Variants in PODN observed in about 807,000 individuals in gnomAD.
PODN encodes podocan.
A neutral mutation model predicts 52.7 loss-of-function variants in PODN; 40 were observed. That is an observed-to-expected ratio of 0.76 (90% CI 0.59 to 0.99). The LOEUF (loss-of-function observed/expected upper bound fraction) is 0.99. PODN is among the 50% of genes least tolerant of loss of function. The probability of loss-of-function intolerance (pLI) is 0.00; values close to 1 mark genes in which losing one functional copy is unlikely to be tolerated. For missense variants in PODN, 720 were observed against 815.1 expected (o/e 0.88, Z 1.42); for synonymous variants, 396 against 377.9 (o/e 1.05, Z -0.56).
chr1:53,074,461 G>T (rs1231595183), intron 3 of PODN, 145 bp from the exon 4 acceptor site: 1 of 836,784 alleles, frequency 1.2e-6, no homozygotes, highest in Non-Finnish European at 2.0e-6. Context: ...GGCTGGGCAG[G>T]CCCCCCAACT....
At chr1:53,075,839 G>T in intron 4 of PODN, 23 bp from the exon 5 acceptor site, 2 of 1,566,032 alleles carry the variant, frequency 1.3e-6, no homozygotes. Flanking sequence ...TTGCTCTTTC[G>T]GCCCCAACTC....
intron 4 of PODN, among the ~76,000 whole-genome samples, chr1:53,075,237 T>C (rs1477399335): frequency 6.6e-6 from 1 of 152,210 alleles, no homozygotes; most frequent in African/African-American, 2.4e-5. Flanking sequence ...CTCAAAGGTC[T>C]GCCTGCCTCC....
intron 3 of PODN, chr1:53,073,831 G>A (rs1644154520): frequency 6.6e-6 from 1 of 152,230 alleles, no homozygotes; most frequent in Non-Finnish European, 1.5e-5. Context: ...GTTTTAGTCA[G>A]CGGTGCAGCC....
rs766374787 is a variant in PODN, at chr1:53,078,430, T to A, written c.920T>A (p.Leu307Gln). 1 of 1,613,550 alleles carries A rather than the reference T, an allele frequency of 6.2e-7. No homozygotes were observed. Among genetic ancestry groups the A allele is most frequent in the Non-Finnish European group, 8.5e-7 (1 of 1,180,032 alleles). ...AACCTGTCTCGGGTCCCAGCTGGGC[T>A]GCCGCGCAGCCTGGTGCTGCTGCAC... ...SNNLSRVPAG[L>Q]PRSLVLLHLE... The change falls in exon 8 of 11, where the codon CTG becomes CAG. Residue 307 changes from leucine (L) to glutamine (Q), a missense_variant. Leu to Gln is a moderately radical substitution (Grantham distance 113, BLOSUM62 -2). Transcript: ENST00000312553.
intron 1 of PODN, among the ~76,000 whole-genome samples, chr1:53,069,008 C>T (rs1644072223): frequency 6.6e-6 from 1 of 152,140 alleles, no homozygotes; most frequent in Non-Finnish European, 1.5e-5. Context: ...CAGCTGTAGT[C>T]GCTGATCCTT....
intron 7 of PODN, 37 bp downstream of exon 7, chr1:53,077,837 C>T (rs377634503): frequency 4.4e-6 from 7 of 1,575,142 alleles, no homozygotes; most frequent in Non-Finnish European, 5.2e-6. Flanking sequence ...GGCGTGACCA[C>T]GGGGCCCGGG....
At position 53,082,101 on chromosome 1, in the gene PODN, C is replaced by A; in HGVS notation, c.1782C>A (p.Arg594=). ...EFGDISKDRG[R]LGKEKEEEEE... ...GTGACATTTCCAAGGACCGTGGCCG[C>A]TTGGGGAAGGAAAAGGAGGAGGAGG... The change falls in exon 10 of 11, where the codon CGC becomes CGA. Residue 594 remains arginine (R), a synonymous_variant. Coordinates refer to ENST00000312553, the MANE Select transcript of PODN (RefSeq NM_153703.5). 6.2e-7 allele frequency: 1 copy of A among 1,613,760 alleles called. No individual in the cohort carries two copies. The highest frequency in any genetic ancestry group is 8.5e-7 in the Non-Finnish European group (1 of 1,179,932).
chr1:53,082,064 A>G lies in PODN; in HGVS notation c.1745A>G (p.Asn582Ser). Reference sequence around the variant, plus strand: ...CTGCAGGTCTTGGACATTGAAGGCAACTTAGAGTTTGGTGACATTTCCAAG... The same window carrying G: ...CTGCAGGTCTTGGACATTGAAGGCAGCTTAGAGTTTGGTGACATTTCCAAG... ...KHLQVLDIEG[N>S]LEFGDISKDR... is the part of the protein sequence containing the mutation. The change falls in exon 10 of 11, where the codon AAC (asparagine) becomes AGC (serine). Residue 582 changes from asparagine to serine, a missense_variant. Transcript: ENST00000312553. 1.2e-6 allele frequency: 2 copies of G among 1,614,064 alleles called. No individual in the cohort carries two copies. Among genetic ancestry groups the G allele is most frequent in the Non-Finnish European group, 1.7e-6 (2 of 1,179,996 alleles).
chr1:53,062,238 C>A lies in PODN; in HGVS notation c.-126C>A, dbSNP rs779809668. 1 of 1,274,774 alleles carries A rather than the reference C, an allele frequency of 7.8e-7. No individual in the cohort carries two copies. The highest frequency in any genetic ancestry group is 2.9e-5 in the East Asian group (1 of 34,314). 79.0% of individuals were successfully genotyped at this position (1,274,774 alleles called of 1,614,324 possible). The stretch of plus-strand genomic sequence containing the variant: ...GACTTGAATGGAAGGAGCCCGAGCC[C>A]GCGGAGCGCAGCTGAGACTGGGGGA... On this transcript the variant is annotated 5_prime_UTR_variant, in exon 1 of 11. Coordinates refer to ENST00000312553, the MANE Select transcript of PODN (RefSeq NM_153703.5).
chr1:53,080,897 C>T, intron 9 of PODN, 21 bp downstream of exon 9: 1 of 1,612,640 alleles, frequency 6.2e-7, no homozygotes, highest in Non-Finnish European at 8.5e-7. Context: ...ACTCGCGGCC[C>T]TGTACACACC....
intron 3 of PODN, 69 bp downstream of exon 3, chr1:53,071,697 G>C (rs1488959211): frequency 6.9e-7 from 1 of 1,448,584 alleles, no homozygotes; most frequent in Non-Finnish European, 9.5e-7. Flanking sequence ...ACGATGCTGG[G>C]TGCCCAGGGG....
At chr1:53,074,377 G>GAGTT (rs1202136430) in intron 3 of PODN, among the ~76,000 whole-genome samples, 2 of 152,352 alleles carry the variant, frequency 1.3e-5, no homozygotes, top group East Asian at 3.9e-4. Context: ...TCAGAGCGAG[G>GAGTT]AGTTAGTCTC....
chr1:53,071,679 G>T (rs762405860), intron 3 of PODN, 51 bp downstream of exon 3: 3 of 1,533,488 alleles, frequency 2.0e-6, no homozygotes, highest in Non-Finnish European at 2.7e-6. Flanking sequence ...GGGGCCTTGG[G>T]GGCCTGAACG....
chr1:53,065,662 C>T (rs535759309), intron 1 of PODN, among the ~76,000 whole-genome samples: 5 of 152,334 alleles, frequency 3.3e-5, no homozygotes, highest in South Asian at 2.1e-4. Context: ...CAGTGGTCCT[C>T]GTCTTCCAGT....
In PODN at chr1:53,070,132, G is replaced by A. The variant is rs150801699; in HGVS notation, c.277G>A (p.Asp93Asn). The part of the protein sequence containing the change: ...GGIDLREFPG[D>N]LPEHTNHLSL... ...TATTGACCTGCGTGAGTTCCCGGGG[G>A]ACCTGCCTGAGCACACCAACCACCT... The change falls in exon 2 of 11, where the codon GAC becomes AAC. Residue 93 changes from aspartate (D) to asparagine (N), a missense_variant. Transcript: ENST00000312553. 4.4e-4 allele frequency: 708 copies of A among 1,611,088 alleles called. 2 individuals are homozygous for A. The African/African-American group carries it at 7.7e-3, about 17-fold the overall frequency.
intron 1 of PODN, among the ~76,000 whole-genome samples, chr1:53,067,841 C>A (rs12566810): frequency 0.08 from 11,957 of 150,178 alleles, 721 homozygotes; most frequent in East Asian, 0.2. Flanking sequence ...ACTTCAGCCC[C>A]GGAGCTCAAG....
intron 4 of PODN, among the ~76,000 whole-genome samples, chr1:53,075,301 G>A (rs1429029259): frequency 6.6e-6 from 1 of 152,190 alleles, no homozygotes; most frequent in Non-Finnish European, 1.5e-5. Context: ...CCCGCCCACA[G>A]CACCCAGACC....
At chr1:53,076,690 T>C (rs1468278519) in intron 5 of PODN, among the ~76,000 whole-genome samples, 1 of 150,788 alleles carries the variant, frequency 6.6e-6, no homozygotes, top group Admixed American at 6.6e-5. Flanking sequence ...CTCTATTTAA[T>C]ATATTATATT....
At chr1:53,077,614 C>A in intron 6 of PODN, 71 bp from the exon 7 acceptor site, 1 of 1,434,872 alleles carries the variant, frequency 7.0e-7, no homozygotes, top group Non-Finnish European at 9.6e-7. Context: ...CCTCTCCACA[C>A]CTCATCCCGA....
Sources: gnomAD v4.1 joint callset for allele counts (sites outside exome capture counted in the v4.1 genomes callset) on GRCh38, gnomAD v4.1.1 for gene constraint, MANE v1.5 for transcripts, NCBI Gene and HGNC (gene_info 2026-07-23, HGNC 2026-07-21) for gene names.